Variants in PIK3AP1 observed in about 807,000 individuals in gnomAD.
PIK3AP1 encodes the protein phosphoinositide-3-kinase adaptor protein 1.
In PIK3AP1, 21 loss-of-function variants were observed where a neutral mutation model predicts 88.1. The ratio of observed to expected loss-of-function variants is 0.24; its 90% CI spans 0.17 to 0.34. The LOEUF (loss-of-function observed/expected upper bound fraction) is 0.34, where lower values mean the gene tolerates loss of function less well. Ranked by LOEUF, PIK3AP1 falls within the 10% of genes least tolerant of loss-of-function variation. The probability of loss-of-function intolerance (pLI) is 1.00; values close to 1 mark genes in which losing one functional copy is unlikely to be tolerated. For synonymous variants in PIK3AP1, 398 were observed against 400.0 expected (o/e 1.00, Z 0.06); for missense variants, 828 against 1,035.7 (o/e 0.80, Z 2.75).
chr10:96,629,902 C>T (rs1196304131), intron 8 of PIK3AP1, among the ~76,000 whole-genome samples: 1 of 3,736 alleles, frequency 2.7e-4, no homozygotes, highest in East Asian at 5.3e-3. Flanking sequence ...TCAATAACAA[C>T]AACAACCAAA....
intron 2 of PIK3AP1, among the ~76,000 whole-genome samples, chr10:96,669,966 G>A (rs1044539386): frequency 7.9e-5 from 12 of 151,948 alleles, no homozygotes; most frequent in Non-Finnish European, 2.9e-5. Context: ...CCTAAGGTCA[G>A]GAGTTCGAGA....
intron 14 of PIK3AP1, among the ~76,000 whole-genome samples, chr10:96,607,739 G>A (rs186506235): frequency 2.0e-4 from 31 of 152,316 alleles, no homozygotes; most frequent in African/African-American, 6.0e-4. Flanking sequence ...CGGAGGATGA[G>A]AGGTTTCCTT....
intron 2 of PIK3AP1, among the ~76,000 whole-genome samples, chr10:96,658,918 C>G (rs1258858273): frequency 2.6e-5 from 4 of 151,692 alleles, no homozygotes; most frequent in African/African-American, 9.7e-5. Context: ...TCTCCTGGCT[C>G]TCCCCTCAAT....
intron 1 of PIK3AP1, among the ~76,000 whole-genome samples, chr10:96,713,503 TAAAAA>T (rs566830672): frequency 5.9e-5 from 5 of 84,928 alleles, no homozygotes; most frequent in East Asian, 3.0e-4. Context: ...GACTCCGTCT[TAAAAA>T]AAAAAAAAAA....
At chr10:96,617,955 C>T (rs571506917) in intron 12 of PIK3AP1, among the ~76,000 whole-genome samples, 1 of 152,230 alleles carries the variant, frequency 6.6e-6, no homozygotes, top group African/African-American at 2.4e-5. Flanking sequence ...GCTTCAATGT[C>T]CATTGTGAGA....
intron 13 of PIK3AP1, among the ~76,000 whole-genome samples, chr10:96,616,063 C>G (rs954711314): frequency 6.6e-6 from 1 of 152,204 alleles, no homozygotes; most frequent in Non-Finnish European, 1.5e-5. Context: ...CAACTTCTTG[C>G]TCAAGGGTGG....
At chr10:96,641,824 C>G (rs1009664753) in intron 8 of PIK3AP1, among the ~76,000 whole-genome samples, 2 of 152,202 alleles carry the variant, frequency 1.3e-5, no homozygotes, top group Admixed American at 6.5e-5. Flanking sequence ...GGGATACAGG[C>G]AGTCCATGGA....
chr10:96,651,883 CA>C (rs1843543780), intron 4 of PIK3AP1, among the ~76,000 whole-genome samples: 1 of 152,004 alleles, frequency 6.6e-6, no homozygotes, highest in Non-Finnish European at 1.5e-5. Flanking sequence ...ATTGGGTTTG[CA>C]ACTTAATTTT....
intron 8 of PIK3AP1, among the ~76,000 whole-genome samples, chr10:96,631,892 A>G (rs528360921): frequency 3.6e-4 from 54 of 149,986 alleles, no homozygotes; most frequent in African/African-American, 1.3e-3. Context: ...TCAAAAAACA[A>G]AACAAAACAA....
At chr10:96,598,202 C>T (rs1309215512) in intron 16 of PIK3AP1, among the ~76,000 whole-genome samples, 2 of 151,984 alleles carry the variant, frequency 1.3e-5, no homozygotes, top group African/African-American at 2.4e-5. Flanking sequence ...CACCACCACA[C>T]CTGGCTAATT....
At chr10:96,684,252 T>C (rs1333504070) in intron 2 of PIK3AP1, among the ~76,000 whole-genome samples, 1 of 152,244 alleles carries the variant, frequency 6.6e-6, no homozygotes, top group Non-Finnish European at 1.5e-5. Flanking sequence ...GAGTGGGTTA[T>C]TTCCAAATAG....
intron 1 of PIK3AP1, among the ~76,000 whole-genome samples, chr10:96,715,596 A>G (rs1844490519): frequency 6.6e-6 from 1 of 152,224 alleles, no homozygotes; most frequent in Admixed American, 6.5e-5. Flanking sequence ...ATTTTATTTA[A>G]AAGTATCATT....
At chr10:96,650,668 T>G (rs1843525155) in intron 6 of PIK3AP1, among the ~76,000 whole-genome samples, 1 of 152,150 alleles carries the variant, frequency 6.6e-6, no homozygotes, top group Admixed American at 6.5e-5. Context: ...GAGAAGGTCT[T>G]CTAGGGAAGT....
At chr10:96,619,660 G>A (rs1843050110) in intron 12 of PIK3AP1, among the ~76,000 whole-genome samples, 1 of 152,178 alleles carries the variant, frequency 6.6e-6, no homozygotes, top group African/African-American at 2.4e-5. Flanking sequence ...TATACATCAT[G>A]TACACTTATG....
chr10:96,708,574 C>CAAAAAAA (rs924470384), intron 2 of PIK3AP1, among the ~76,000 whole-genome samples: 6 of 12,782 alleles, frequency 4.7e-4, no homozygotes, highest in Non-Finnish European at 1.2e-3. Flanking sequence ...GGATCTGTCT[C>CAAAAAAA]AAAAAAAAAA....
chr10:96,624,632 A>G (rs1256889598), intron 10 of PIK3AP1, among the ~76,000 whole-genome samples: 1 of 150,542 alleles, frequency 6.6e-6, no homozygotes, highest in African/African-American at 2.4e-5. Context: ...GTTCAAGACC[A>G]GCCTGGGCAA....
At chr10:96,630,428 A>C (rs1843229351) in intron 8 of PIK3AP1, among the ~76,000 whole-genome samples, 1 of 152,222 alleles carries the variant, frequency 6.6e-6, no homozygotes, top group Non-Finnish European at 1.5e-5. Flanking sequence ...TTCTGATAAG[A>C]ACTCACGCCT....
intron 2 of PIK3AP1, among the ~76,000 whole-genome samples, chr10:96,696,293 T>G (rs1844220479): frequency 6.6e-6 from 1 of 152,212 alleles, no homozygotes; most frequent in Non-Finnish European, 1.5e-5. Context: ...TTTTGATCAA[T>G]TACTGATTTT....
chr10:96,604,014 G>C lies in PIK3AP1; in HGVS notation c.2206C>G (p.Leu736Val). The change falls in exon 15 of 17, where the codon CTC becomes GTC. Residue 736 changes from leucine (L) to valine (V), a missense_variant. Transcript: ENST00000339364. ...CCTTCCATCCCGCTGCTCACACTGA[G>C]GAGGCTCCGGGTGCTGGAGCGGTTA... ...TSNRSSTRSL[L>V]SVSSGMEGDN... 1 of 1,608,198 alleles carries C rather than the reference G, an allele frequency of 6.2e-7. No individual in the cohort carries two copies. Among genetic ancestry groups the C allele is most frequent in the Non-Finnish European group, 8.5e-7 (1 of 1,177,152 alleles).
Sources: gnomAD v4.1 joint callset for allele counts (sites outside exome capture counted in the v4.1 genomes callset) on GRCh38, gnomAD v4.1.1 for gene constraint, MANE v1.5 for transcripts, NCBI Gene and HGNC (gene_info 2026-07-23, HGNC 2026-07-21) for gene names.